The following RPRD2 variants were observed in gnomAD, a reference collection of about 807,000 sequenced individuals.
RPRD2 encodes the protein regulation of nuclear pre-mRNA domain containing 2.
In RPRD2, 12 loss-of-function variants were observed where a neutral mutation model predicts 104.4. The observed-to-expected ratio is 0.11, with a 90% CI of 0.07 to 0.19. RPRD2 has a LOEUF of 0.19. Among genes scored for constraint, RPRD2 ranks in the 10% least tolerant of loss-of-function variants. RPRD2 has a pLI of 1.00. For missense variants in RPRD2, 1,543 were observed against 1,790.1 expected, an observed-to-expected ratio of 0.86 and a Z score of 2.49; for synonymous variants, 714 against 684.9, an observed-to-expected ratio of 1.04 and a Z score of -0.66.
At chr1:150,412,284 C>T (rs1663999549) in intron 1 of RPRD2, among the ~76,000 whole-genome samples, 1 of 152,126 alleles carries the variant, frequency 6.6e-6, no homozygotes, top group Non-Finnish European at 1.5e-5. Context: ...TCCCAGATTA[C>T]CTCAACCACT....
intron 2 of RPRD2, among the ~76,000 whole-genome samples, chr1:150,421,387 A>G (rs1385980215): frequency 6.6e-6 from 1 of 152,222 alleles, no homozygotes; most frequent in East Asian, 1.9e-4. Context: ...ATGAAGATAT[A>G]TAGGGTTTTT....
chr1:150,394,929 A>G (rs925081841), intron 1 of RPRD2, among the ~76,000 whole-genome samples: 4 of 152,226 alleles, frequency 2.6e-5, no homozygotes, highest in Admixed American at 2.0e-4. Flanking sequence ...AAGGCTAACA[A>G]AACAAAGGTT....
intron 1 of RPRD2, among the ~76,000 whole-genome samples, chr1:150,413,338 C>T (rs1191083425): frequency 3.9e-5 from 6 of 152,124 alleles, no homozygotes; most frequent in East Asian, 1.9e-4. Context: ...CTGTGGCTCA[C>T]GCCTGTAATT....
rs1239661405 is a variant in RPRD2 at position 150,471,792 on chromosome 1, T to C, written c.2844T>C (p.Ser948=). 3.1e-6 allele frequency: 5 copies of C among 1,613,880 alleles called. No individual in the cohort carries two copies. The highest frequency in any genetic ancestry group is 2.2e-5 in the East Asian group (1 of 44,870). The change falls in exon 11 of 11, where the codon TCT becomes TCC. Residue 948 remains serine, a synonymous_variant. Coordinates refer to ENST00000369068, the MANE Select transcript of RPRD2 (RefSeq NM_015203.5). This position sits in a 1 kb window ranked among gnomAD's most constrained non-coding sequence, Gnocchi z 5.3. ...CTGACTCCAACCACAATAGCTTGTC[T>C]CAATCTACCACTGGGCATCTCAGTT... is the stretch of plus-strand genomic sequence containing the variant. ...FTPDSNHNSL[S]QSTTGHLSLP...
intron 9 of RPRD2, among the ~76,000 whole-genome samples, 164 bp from the exon 10 acceptor site, chr1:150,464,362 GT>G (rs34642023): frequency 0.37 from 48,057 of 130,634 alleles, 8,386 homozygotes; most frequent in Non-Finnish European, 0.48. Flanking sequence ...TCTTTTCAGG[GT>G]TTTTTTTTTT....
chr1:150,396,678 A>G (rs1312038978), intron 1 of RPRD2, among the ~76,000 whole-genome samples: 1 of 152,178 alleles, frequency 6.6e-6, no homozygotes, highest in Non-Finnish European at 1.5e-5. Flanking sequence ...CATCCTTTAC[A>G]GAATTAGAAA....
chr1:150,364,546 T>C lies in RPRD2; in HGVS notation c.-169T>C, dbSNP rs1374297864. On this transcript the variant is annotated 5_prime_UTR_variant, in exon 1 of 11. Coordinates refer to ENST00000369068, the MANE Select transcript of RPRD2 (RefSeq NM_015203.5). ...AGCTGCCAGCGTGCCCAGCAGCTGGTGTTCCCGTCCGTACCTCCAGAAGAG... is the reference window on the plus strand; with the variant it reads ...AGCTGCCAGCGTGCCCAGCAGCTGGCGTTCCCGTCCGTACCTCCAGAAGAG... The C allele has an allele frequency of 4.8e-5, 27 of 560,266 alleles. No homozygotes were observed. Among genetic ancestry groups the C allele is most frequent in the Non-Finnish European group, 8.1e-5 (26 of 319,836 alleles). The allele number at this position is 560,266 out of a possible 1,614,324, so 34.7% of individuals were successfully genotyped here.
chr1:150,439,085 G>A (rs1016521641), intron 2 of RPRD2, among the ~76,000 whole-genome samples: 2 of 151,862 alleles, frequency 1.3e-5, no homozygotes, highest in African/African-American at 4.8e-5. Flanking sequence ...CGCCTCCCTC[G>A]GCCTCCCAAA....
intron 1 of RPRD2, among the ~76,000 whole-genome samples, chr1:150,396,964 A>C (rs1662578304): frequency 6.6e-6 from 1 of 152,106 alleles, no homozygotes. Context: ...TATTAAAATT[A>C]AAATTTTCTT....
intron 1 of RPRD2, among the ~76,000 whole-genome samples, chr1:150,402,951 A>G (rs1572403262): frequency 1.4e-5 from 1 of 69,570 alleles, no homozygotes; most frequent in Admixed American, 1.3e-4. Context: ...CTGGGTAACA[A>G]GAGCGAAACT....
At chr1:150,455,269 C>T (rs148329379) in intron 7 of RPRD2, among the ~76,000 whole-genome samples, 22 of 152,196 alleles carry the variant, frequency 1.4e-4, no homozygotes, top group African/African-American at 5.1e-4. Context: ...TTTGGGAAGC[C>T]GAGACAGGCT....
chr1:150,377,384 A>G (rs1195962423), intron 1 of RPRD2, among the ~76,000 whole-genome samples: 9 of 151,994 alleles, frequency 5.9e-5, no homozygotes, highest in African/African-American at 1.9e-4. Flanking sequence ...GCGGATCACG[A>G]GGTCAGGAGA....
At chr1:150,383,835 T>C (rs1270082743) in intron 1 of RPRD2, among the ~76,000 whole-genome samples, 1 of 152,190 alleles carries the variant, frequency 6.6e-6, no homozygotes, top group Non-Finnish European at 1.5e-5. Flanking sequence ...TCTGTCCTCT[T>C]AGGCTTCTCA....
rs200453617 is a variant in RPRD2, at chr1:150,446,445, A to G, written c.870+44A>G. 22 of 1,440,884 alleles carry G rather than the reference A, an allele frequency of 1.5e-5. No individual in the cohort carries two copies. The Admixed American group carries it at 1.8e-4, about 12-fold the overall frequency. The allele number at this position is 1,440,884 out of a possible 1,614,324, so 89.3% of individuals were successfully genotyped here. A position where few individuals can be genotyped will look rare whatever the true frequency, so the allele number is the denominator to read the frequency against. Reference sequence around the variant, plus strand: ...TGTCTTATACTGAATGCTTGTTACTATATTTCAGAGATTGTTAACATGCAT... The same window carrying G: ...TGTCTTATACTGAATGCTTGTTACTGTATTTCAGAGATTGTTAACATGCAT... On this transcript the variant is annotated intron_variant, in intron 7 of 10. Coordinates refer to ENST00000369068, the MANE Select transcript of RPRD2 (RefSeq NM_015203.5).
At chr1:150,386,984 A>C (rs1229943623) in intron 1 of RPRD2, among the ~76,000 whole-genome samples, 1 of 152,196 alleles carries the variant, frequency 6.6e-6, no homozygotes, top group Non-Finnish European at 1.5e-5. Flanking sequence ...GTTTTGATAG[A>C]TGTTAACTTT....
At position 150,472,245 on chromosome 1, in the gene RPRD2, A is replaced by G; in HGVS notation, c.3297A>G (p.Ser1099=). ...GYHSASNRRM[S]GEPIQTVESI... ...ACAGTGCATCCAATAGGAGGATGTCAGGGGAGCCGATCCAGACCGTAGAGT... is the reference window on the plus strand; with the variant it reads ...ACAGTGCATCCAATAGGAGGATGTCGGGGGAGCCGATCCAGACCGTAGAGT... The change falls in exon 11 of 11, where the codon TCA becomes TCG. Residue 1099 remains serine, a synonymous_variant. Transcript: ENST00000369068. 1 of 1,613,930 alleles carries G rather than the reference A, an allele frequency of 6.2e-7. No homozygotes were observed. Among genetic ancestry groups the G allele is most frequent in the Non-Finnish European group, 8.5e-7 (1 of 1,179,860 alleles).
intron 1 of RPRD2, among the ~76,000 whole-genome samples, chr1:150,405,241 T>C (rs1251438952): frequency 1.3e-5 from 2 of 152,204 alleles, no homozygotes; most frequent in African/African-American, 4.8e-5. Flanking sequence ...AACTGGTGGA[T>C]TGATACCTTA....
rs782093332 is a variant in RPRD2 at position 150,443,286 on chromosome 1, A to G, written c.567+3A>G. 2 of 1,562,800 alleles carry G rather than the reference A, an allele frequency of 1.3e-6. No homozygotes were observed. Among genetic ancestry groups the G allele is most frequent in the Non-Finnish European group, 1.7e-6 (2 of 1,150,674 alleles). ...CTAAGATAGTTGCTGAATTTCGAGT[A>G]AGTTACAGAATTTGTTTAATATAGC... is the stretch of plus-strand genomic sequence containing the variant. On this transcript the variant is annotated splice_donor_region_variant and intron_variant, in intron 5 of 10. Transcript: ENST00000369068.
intron 1 of RPRD2, among the ~76,000 whole-genome samples, chr1:150,379,371 C>A (rs1553880285): frequency 6.6e-6 from 1 of 151,236 alleles, no homozygotes; most frequent in East Asian, 1.9e-4. Flanking sequence ...TTTTTAAATT[C>A]TTAGGTTTAA....
Sources: gnomAD v4.1 joint callset for allele counts (sites outside exome capture counted in the v4.1 genomes callset) on GRCh38, gnomAD v4.1.1 for gene constraint, Gnocchi (gnomAD v3.1) non-coding constraint, MANE v1.5 for transcripts, NCBI Gene and HGNC (gene_info 2026-07-23, HGNC 2026-07-21) for gene names.